The following PRPF18 variants were observed in gnomAD, a reference collection of about 807,000 sequenced individuals.
PRPF18 encodes the protein pre-mRNA-splicing factor 18.
A neutral mutation model predicts 46.5 loss-of-function variants in PRPF18; 38 were observed. The observed-to-expected ratio is 0.82, with a 90% confidence interval of 0.63 to 1.07. The LOEUF (loss-of-function observed/expected upper bound fraction) is 1.07. Ranked by LOEUF, PRPF18 falls within the 50% of genes least tolerant of loss-of-function variation. The pLI is 0.00. For synonymous variants in PRPF18, 152 were observed against 146.7 expected, an observed-to-expected ratio of 1.04 and a Z score of -0.26; for missense variants, 263 against 410.0, an observed-to-expected ratio of 0.64 and a Z score of 3.10.
At chr10:13,589,365 G>C (rs1216712796) in intron 1 of PRPF18, among the ~76,000 whole-genome samples, 1 of 152,186 alleles carries the variant, frequency 6.6e-6, no homozygotes, top group African/African-American at 2.4e-5. Flanking sequence ...GCAAACTTTA[G>C]TATAAATGAG....
intron 1 of PRPF18, chr10:13,591,814 C>G (rs2079965895): frequency 6.9e-7 from 1 of 1,442,246 alleles, no homozygotes; most frequent in South Asian, 1.1e-5. Flanking sequence ...TAACAAGCCA[C>G]TAGCCAGGTG....
At chr10:13,647,482 C>A in the PRPF18 span, 40,219 of 151,962 alleles carry the variant, frequency 0.26, 5,765 homozygotes, top group East Asian at 0.59. Context: ...CACACGACAG[C>A]TGCCCGGGTT....
intron 4 of PRPF18, among the ~76,000 whole-genome samples, chr10:13,606,669 A>C (rs1323602440): frequency 3.1e-5 from 4 of 130,308 alleles, no homozygotes; most frequent in African/African-American, 1.2e-4. Flanking sequence ...CGGGAGGTGG[A>C]GGTTGCAGTG....
At chr10:13,592,299 G>C (rs953551310) in intron 1 of PRPF18, 6 of 407,612 alleles carry the variant, frequency 1.5e-5, no homozygotes, top group African/African-American at 1.1e-4. Flanking sequence ...TTAGTATCCG[G>C]CTTCTCAACT....
At chr10:13,618,706 C>G (rs773655377) in intron 9 of PRPF18, among the ~76,000 whole-genome samples, 3 of 147,112 alleles carry the variant, frequency 2.0e-5, no homozygotes, top group Non-Finnish European at 4.5e-5. Flanking sequence ...CACCTAATAA[C>G]TTAGTGTAGG....
At chr10:13,612,646 T>TTTTG (rs2080287391) in intron 6 of PRPF18, among the ~76,000 whole-genome samples, 1 of 149,888 alleles carries the variant, frequency 6.7e-6, no homozygotes, top group African/African-American at 2.5e-5. Flanking sequence ...TTTTTTTTTT[T>TTTTG]TTAAGCAAAA....
In PRPF18 at chr10:13,622,828, G is replaced by A. The variant is rs554991239; in HGVS notation, c.948+6275G>A. 4.6e-5 allele frequency among the ~76,000 whole-genome samples: 7 copies of A among 152,312 alleles called. No individual in the cohort carries two copies. The East Asian group carries it at 1.2e-3, about 25-fold the overall frequency. ...TTATCTGCCGTCATCCCAACTGGCTGAACCCAGATCAGTAATTTAAAAGTC... is the reference window on the plus strand; with the variant it reads ...TTATCTGCCGTCATCCCAACTGGCTAAACCCAGATCAGTAATTTAAAAGTC... On this transcript the variant is annotated intron_variant, in intron 9 of 9. Coordinates refer to ENST00000378572, the MANE Select transcript of PRPF18 (RefSeq NM_003675.4).
chr10:13,642,681 T>C, the PRPF18 span: 3 of 152,212 alleles, frequency 2.0e-5, no homozygotes, highest in Non-Finnish European at 4.4e-5. Flanking sequence ...GCTAATTTCC[T>C]GAGCTGTGAC....
intron 9 of PRPF18, among the ~76,000 whole-genome samples, chr10:13,620,334 G>A (rs1282544887): frequency 2.0e-5 from 3 of 152,186 alleles, no homozygotes; most frequent in African/African-American, 7.2e-5. Context: ...ATGTATGAAC[G>A]AACCCAAAAC....
At chr10:13,591,829 A>G (rs2079966205) in intron 1 of PRPF18, 1 of 1,440,118 alleles carries the variant, frequency 6.9e-7, no homozygotes, top group Non-Finnish European at 9.3e-7. Flanking sequence ...CAGGTGCTTC[A>G]GGAAGACCGC....
At chr10:13,590,448 A>AAT (rs1554806356) in intron 1 of PRPF18, among the ~76,000 whole-genome samples, 14 of 139,014 alleles carry the variant, frequency 1.0e-4, no homozygotes, top group African/African-American at 3.7e-4. Flanking sequence ...ATACAAAAAA[A>AAT]AAAAATATAT....
the PRPF18 span, chr10:13,654,338 T>A: frequency 3.2e-6 from 3 of 945,554 alleles, no homozygotes; most frequent in Non-Finnish European, 5.3e-6. Context: ...TACTGACATA[T>A]CCTTATGTCA....
the PRPF18 span, chr10:13,646,146 C>G: frequency 5.9e-5 from 9 of 152,488 alleles, no homozygotes; most frequent in Non-Finnish European, 1.2e-4. Flanking sequence ...GGCATTGGGG[C>G]AGTTTTTCAG....
chr10:13,638,688 T>G, the PRPF18 span: 7 of 152,172 alleles, frequency 4.6e-5, no homozygotes, highest in African/African-American at 1.4e-4. Flanking sequence ...CCCCATCTTT[T>G]TGATCTATTC....
chr10:13,651,898 G>A, the PRPF18 span: 1,048 of 1,489,920 alleles, frequency 7.0e-4, 2 homozygotes, highest in South Asian at 9.5e-4. Context: ...CTCCCCTTAC[G>A]GTACCTCTAT....
intron 3 of PRPF18, among the ~76,000 whole-genome samples, chr10:13,602,286 G>A (rs768803761): frequency 4.6e-5 from 7 of 152,294 alleles, no homozygotes; most frequent in Middle Eastern, 3.4e-3. Context: ...TTCAGTGGTC[G>A]TTAATGTCTC....
chr10:13,596,800 T>C (rs1011230479), intron 1 of PRPF18, among the ~76,000 whole-genome samples: 4 of 152,152 alleles, frequency 2.6e-5, no homozygotes, highest in African/African-American at 4.8e-5. Flanking sequence ...AGTTGTGGCC[T>C]TGATTGTGCC....
At chr10:13,651,809 G>A in the PRPF18 span, 1,027 of 761,278 alleles carry the variant, frequency 1.3e-3, 22 homozygotes, top group South Asian at 0.013. Context: ...ACAGCATTCA[G>A]ATGTATCCTT....
At chr10:13,618,566 C>T (rs768060694) in intron 9 of PRPF18, among the ~76,000 whole-genome samples, 3 of 126,192 alleles carry the variant, frequency 2.4e-5, no homozygotes, top group South Asian at 2.5e-4. Context: ...TTCAAGGTTG[C>T]AGTGATTTGT....
Sources: gnomAD v4.1 joint callset for allele counts (sites outside exome capture counted in the v4.1 genomes callset) on GRCh38, gnomAD v4.1.1 for gene constraint, MANE v1.5 for transcripts, NCBI Gene and HGNC (gene_info 2026-07-23, HGNC 2026-07-21) for gene names.